Variants in CLMP observed in about 807,000 individuals in gnomAD.
The protein encoded by CLMP is CXADR-like membrane protein.
In CLMP, 27 loss-of-function variants were observed where a neutral mutation model predicts 45.2. The ratio of observed to expected loss-of-function variants is 0.60; its 90% confidence interval spans 0.44 to 0.82. CLMP has a LOEUF of 0.82. Ranked by LOEUF, CLMP falls within the 40% of genes least tolerant of loss-of-function variation. The probability of loss-of-function intolerance (pLI) is 0.00; values close to 1 mark genes in which losing one functional copy is unlikely to be tolerated. For synonymous variants in CLMP, 167 were observed against 171.4 expected (o/e 0.97, Z 0.20); for missense variants, 403 against 448.4 (o/e 0.90, Z 0.91).
intron 1 of CLMP, among the ~76,000 whole-genome samples, chr11:123,123,281 A>T (rs1860844417): frequency 1.6e-5 from 2 of 128,282 alleles, no homozygotes; most frequent in African/African-American, 3.0e-5. Context: ...TTTTTTTAAG[A>T]CAGAGTCTTG....
intron 1 of CLMP, among the ~76,000 whole-genome samples, chr11:123,177,328 G>A (rs1861711788): frequency 6.6e-6 from 1 of 152,146 alleles, no homozygotes; most frequent in Admixed American, 6.5e-5. Context: ...GGGAGGGTGG[G>A]GAGTGGACAT....
intron 1 of CLMP, among the ~76,000 whole-genome samples, chr11:123,135,060 G>T (rs1292094838): frequency 2.0e-5 from 3 of 152,072 alleles, no homozygotes; most frequent in African/African-American, 7.2e-5. Context: ...AGGAGTTCGA[G>T]ACTAACCTGG....
Position 123,072,626 on chromosome 11 carries a change from G to A in CLMP, c.*848C>T, listed in dbSNP as rs933791128. On this transcript the variant is annotated 3_prime_UTR_variant, in exon 7 of 7. Transcript: ENST00000448775. ...TAAGGACGTTGATAAATGACATGTT[G>A]TATTTTCTCCTTCCAGAAATATCTA... 6.6e-6 allele frequency: 1 copy of A among 152,246 alleles called. No homozygotes were observed. Among genetic ancestry groups the A allele is most frequent in the East Asian group, 1.9e-4 (1 of 5,176 alleles). The allele number at this position is 152,246 out of a possible 1,614,324, so 9.4% of individuals were successfully genotyped here.
rs1390360701 is a variant in CLMP, at chr11:123,078,619, G to GT, written c.680-3777dup. Among the ~76,000 whole-genome samples, 10 of 144,046 alleles carry GT rather than the reference G, an allele frequency of 6.9e-5. No homozygotes were observed. In the East Asian group the frequency reaches 1.4e-3, roughly 21 times the overall value. 94.5% of individuals were successfully genotyped at this position (144,046 alleles called of 152,430 possible). On this transcript the variant is annotated intron_variant, in intron 5 of 6. Coordinates refer to ENST00000448775, the MANE Select transcript of CLMP (RefSeq NM_024769.5). The stretch of plus-strand genomic sequence containing the variant: ...GCACCACCATGCCCAGCTAAGTTTT[G>GT]TTTTTTTGTGTTTTTTTTGGTTTTT...
chr11:123,150,484 G>GAAAGAAAGAAAGAAAGAAAGAAAGA (rs1565397469), intron 1 of CLMP, among the ~76,000 whole-genome samples: 8 of 33,122 alleles, frequency 2.4e-4, no homozygotes, highest in East Asian at 2.2e-3. Context: ...AGAAAGAAAG[G>GAAAGAAAGAAAGAAAGAAAGAAAGA]AAGGAAGGAA....
intron 1 of CLMP, among the ~76,000 whole-genome samples, chr11:123,150,460 AAAG>A (rs1488471684): frequency 9.7e-6 from 1 of 102,606 alleles, no homozygotes; most frequent in Non-Finnish European, 2.1e-5. Context: ...AGAAAGAAAG[AAAG>A]AAAGAAAGAA....
At chr11:123,140,324 G>T (rs999546821) in intron 1 of CLMP, among the ~76,000 whole-genome samples, 12 of 152,158 alleles carry the variant, frequency 7.9e-5, no homozygotes, top group African/African-American at 2.7e-4. Context: ...AGGTAATTTT[G>T]TCGCGGTCTG....
chr11:123,168,600 C>A (rs1334335649), intron 1 of CLMP, among the ~76,000 whole-genome samples: 1 of 152,124 alleles, frequency 6.6e-6, no homozygotes, highest in Non-Finnish European at 1.5e-5. Flanking sequence ...GACCAATAGT[C>A]AGAACCCTCC....
intron 1 of CLMP, among the ~76,000 whole-genome samples, chr11:123,121,996 G>A (rs1860825412): frequency 6.6e-6 from 1 of 152,026 alleles, no homozygotes; most frequent in African/African-American, 2.4e-5. Flanking sequence ...GCCTGCCTAC[G>A]GCCTCCCAAA....
At chr11:123,130,877 C>T (rs1860976785) in intron 1 of CLMP, among the ~76,000 whole-genome samples, 1 of 133,118 alleles carries the variant, frequency 7.5e-6, no homozygotes. Context: ...GAGTCTCACT[C>T]TGTCACCCAG....
rs142455151 is a variant in CLMP at position 123,122,750 on chromosome 11, C to T, written c.29-24798G>A. Among the ~76,000 whole-genome samples the T allele has an allele frequency of 1.4e-4, 21 of 152,202 alleles. No homozygotes were observed. The East Asian group carries it at 1.7e-3, about 13-fold the overall frequency. On this transcript the variant is annotated intron_variant, in intron 1 of 6. Coordinates refer to ENST00000448775, the MANE Select transcript of CLMP (RefSeq NM_024769.5). ...TGACCTATGAAACCCAAAGAGAAAA[C>T]GTGTGTGGGATTTTGTTTTCATGTC... is the stretch of plus-strand genomic sequence containing the variant.
intron 1 of CLMP, among the ~76,000 whole-genome samples, chr11:123,117,512 T>C (rs530556787): frequency 1.3e-5 from 2 of 152,302 alleles, no homozygotes; most frequent in African/African-American, 4.8e-5. Context: ...CTGCAGCCTC[T>C]GCCTCCTGAG....
chr11:123,109,895 A>C (rs1860614700), intron 1 of CLMP, among the ~76,000 whole-genome samples: 1 of 152,190 alleles, frequency 6.6e-6, no homozygotes, highest in African/African-American at 2.4e-5. Flanking sequence ...GGACATTGAC[A>C]AAAAGGGGCA....
chr11:123,089,794 G>A lies in CLMP; in HGVS notation c.187-5081C>T, dbSNP rs201808468. 8.8e-3 allele frequency among the ~76,000 whole-genome samples: 1,108 copies of A among 126,088 alleles called. 29 individuals carry two copies. Among genetic ancestry groups the A allele is most frequent in the African/African-American group, 0.026 (838 of 31,976 alleles). 82.7% of individuals were successfully genotyped at this position (126,088 alleles called of 152,430 possible). A position where few individuals can be genotyped will look rare whatever the true frequency, so the allele number is the denominator to read the frequency against. On this transcript the variant is annotated intron_variant, in intron 2 of 6. Transcript: ENST00000448775. The stretch of plus-strand genomic sequence containing the variant: ...TCCATCTCAAAAAAAAAAAAAAAAA[G>A]AAAAAGAAAAAGAAACAAAACAAGG...
chr11:123,156,056 T>A (rs777987138), intron 1 of CLMP, among the ~76,000 whole-genome samples: 9 of 152,146 alleles, frequency 5.9e-5, no homozygotes, highest in Non-Finnish European at 1.3e-4. Context: ...TATTTGGAGA[T>A]GGGGCCATTA....
chr11:123,150,492 G>GA (rs1491309592), intron 1 of CLMP, among the ~76,000 whole-genome samples: 5 of 66,716 alleles, frequency 7.5e-5, no homozygotes, highest in African/African-American at 2.3e-4. Context: ...AGGAAGGAAG[G>GA]AAGGAAGGAA....
At chr11:123,074,629 T>G in intron 6 of CLMP, 73 bp downstream of exon 6, 1 of 1,442,022 alleles carries the variant, frequency 6.9e-7, no homozygotes, top group Non-Finnish European at 9.5e-7. Context: ...CTGGGAACAT[T>G]TATGTTGGCT....
At chr11:123,142,088 G>T (rs186807144) in intron 1 of CLMP, among the ~76,000 whole-genome samples, 3 of 150,284 alleles carry the variant, frequency 2.0e-5, no homozygotes, top group African/African-American at 7.4e-5. Context: ...AGGGTCAAGC[G>T]ATCCTCCTGT....
At chr11:123,159,576 T>C (rs769215223) in intron 1 of CLMP, among the ~76,000 whole-genome samples, 4 of 152,204 alleles carry the variant, frequency 2.6e-5, no homozygotes, top group Admixed American at 6.5e-5. Flanking sequence ...TTAATTTATG[T>C]TAGCCTTACT....
Sources: gnomAD v4.1 joint callset for allele counts (sites outside exome capture counted in the v4.1 genomes callset) on GRCh38, gnomAD v4.1.1 for gene constraint, MANE v1.5 for transcripts, NCBI Gene and HGNC (gene_info 2026-07-23, HGNC 2026-07-21) for gene names.